CADM2: variants seen among roughly 807,000 people sequenced by gnomAD.
CADM2 encodes the protein immunoglobulin superfamily member 4D.
CADM2 carries 12 observed loss-of-function variants against 49.8 expected under a neutral mutation model. The observed-to-expected ratio is 0.24, with a 90% CI of 0.15 to 0.39. The LOEUF is 0.39. Among genes scored for constraint, CADM2 ranks in the 10% least tolerant of loss-of-function variants. CADM2 has a pLI of 1.00. For missense variants in CADM2, 378 were observed against 492.3 expected, an observed-to-expected ratio of 0.77 and a Z score of 2.20; for synonymous variants, 214 against 175.4, an observed-to-expected ratio of 1.22 and a Z score of -1.74.
At chr3:85,619,585 A>G (rs2063908730) in intron 1 of CADM2, among the ~76,000 whole-genome samples, 1 of 152,138 alleles carries the variant, frequency 6.6e-6, no homozygotes, top group Non-Finnish European at 1.5e-5. Context: ...TCTGATGGAA[A>G]TACATGGCTT....
intron 7 of CADM2, among the ~76,000 whole-genome samples, chr3:85,950,861 A>G (rs1305061336): frequency 1.3e-5 from 2 of 151,174 alleles, no homozygotes; most frequent in African/African-American, 4.8e-5. Flanking sequence ...AATTGATTTT[A>G]AAAACTTGTA....
chr3:85,641,894 G>A (rs1398826400), intron 1 of CADM2, among the ~76,000 whole-genome samples: 1 of 151,984 alleles, frequency 6.6e-6, no homozygotes, highest in Non-Finnish European at 1.5e-5. Context: ...TCGCACCACT[G>A]CACTCCAGCC....
chr3:85,191,957 G>A (rs1259768475), intron 1 of CADM2, among the ~76,000 whole-genome samples: 2 of 151,886 alleles, frequency 1.3e-5, no homozygotes, highest in Admixed American at 1.3e-4. Context: ...GTGTGTGTGT[G>A]TGTGTGTGTG....
intron 1 of CADM2, among the ~76,000 whole-genome samples, chr3:85,094,351 C>T (rs542263588): frequency 6.6e-6 from 1 of 152,128 alleles, no homozygotes; most frequent in African/African-American, 2.4e-5. Context: ...TGTCCTTTCA[C>T]GACGTTAAAT....
intron 3 of CADM2, among the ~76,000 whole-genome samples, chr3:85,816,775 A>G (rs956498028): frequency 1.3e-5 from 2 of 152,200 alleles, no homozygotes; most frequent in African/African-American, 4.8e-5. Flanking sequence ...CGCTAAGGCA[A>G]TACTAATTAC....
intron 1 of CADM2, among the ~76,000 whole-genome samples, chr3:85,116,371 T>G (rs1415070285): frequency 6.6e-6 from 1 of 152,112 alleles, no homozygotes; most frequent in Non-Finnish European, 1.5e-5. Context: ...AAAGCACATC[T>G]GCTTGCTCTT....
chr3:85,475,041 A>T (rs2038921546), intron 1 of CADM2, among the ~76,000 whole-genome samples: 1 of 151,868 alleles, frequency 6.6e-6, no homozygotes, highest in South Asian at 2.1e-4. Context: ...TAAGAAAATA[A>T]TTTTTCTTGG....
At chr3:85,286,788 T>G (rs965223928) in intron 1 of CADM2, among the ~76,000 whole-genome samples, 1 of 152,158 alleles carries the variant, frequency 6.6e-6, no homozygotes, top group Non-Finnish European at 1.5e-5. Context: ...TGGGTACATA[T>G]TAAATGTATT....
chr3:84,959,656 C>A lies in CADM2; in HGVS notation c.49C>A (p.Leu17Ile). The change falls in exon 1 of 10, where the codon CTC (leucine) becomes ATC (isoleucine). Residue 17 changes from leucine to isoleucine, a missense_variant. Transcript: ENST00000383699. ...AVLRFYSVCG[L>I]LLQAAASKNK... Reference sequence around the variant, plus strand: ...TCTCCGCTTCTACAGTGTCTGCGGGCTCCTGCTACAAGGTAATCCCCGCCC... The same window carrying A: ...TCTCCGCTTCTACAGTGTCTGCGGGATCCTGCTACAAGGTAATCCCCGCCC... The A allele has an allele frequency of 6.5e-7, 1 of 1,537,142 alleles. No homozygotes were observed. Among genetic ancestry groups the A allele is most frequent in the Non-Finnish European group, 8.7e-7 (1 of 1,146,866 alleles).
At chr3:85,757,950 G>A (rs1364952742) in intron 2 of CADM2, among the ~76,000 whole-genome samples, 1 of 152,172 alleles carries the variant, frequency 6.6e-6, no homozygotes, top group African/African-American at 2.4e-5. Context: ...GATTTCGCCA[G>A]GGTGTGCAGA....
intron 1 of CADM2, among the ~76,000 whole-genome samples, chr3:85,338,564 A>G (rs768477134): frequency 6.6e-6 from 1 of 151,544 alleles, no homozygotes; most frequent in Non-Finnish European, 1.5e-5. Flanking sequence ...ATTTTCTTGA[A>G]GTCAGTAAAA....
At chr3:85,156,171 T>C (rs1304995212) in intron 1 of CADM2, among the ~76,000 whole-genome samples, 2 of 151,892 alleles carry the variant, frequency 1.3e-5, no homozygotes, top group East Asian at 3.9e-4. Context: ...TTCAAAAAAT[T>C]AATGAATCCA....
chr3:85,565,396 C>T (rs916654720), intron 1 of CADM2, among the ~76,000 whole-genome samples: 3 of 151,952 alleles, frequency 2.0e-5, no homozygotes, highest in African/African-American at 4.8e-5. Context: ...ATGAAGAAAA[C>T]GGCAGTGTGA....
In CADM2 at chr3:85,859,224, C is replaced by CTTTTTTTTTTTTTTTTTTTT. The variant is rs397990427; in HGVS notation, c.239-24060_239-24041dup. 2.0e-4 allele frequency among the ~76,000 whole-genome samples: 14 copies of CTTTTTTTTTTTTTTTTTTTT among 70,594 alleles called. 2 individuals carry two copies. The highest frequency in any genetic ancestry group is 1.6e-3 in the East Asian group (3 of 1,874). The allele number at this position is 70,594 out of a possible 152,430, so 46.3% of individuals were successfully genotyped here. A position where few individuals can be genotyped will look rare whatever the true frequency, so the allele number is the denominator to read the frequency against. ...TACCTTGTGCTTTTCTTTTTTTTGTCTTTTTTTTTTTTTTTTTTTTTTTTT... is the reference window on the plus strand; with the variant it reads ...TACCTTGTGCTTTTCTTTTTTTTGTCTTTTTTTTTTTTTTTTTTTTTTTTTTTTTTTTTTTTTTTTTTTTT... On this transcript the variant is annotated intron_variant, in intron 3 of 9. Coordinates refer to ENST00000383699, the MANE Select transcript of CADM2 (RefSeq NM_001167675.2).
chr3:85,851,877 T>C (rs2075123337), intron 3 of CADM2, among the ~76,000 whole-genome samples: 1 of 151,870 alleles, frequency 6.6e-6, no homozygotes, highest in Admixed American at 6.6e-5. Context: ...TGCTATTTGG[T>C]GAGTTAATGA....
chr3:85,236,355 C>G (rs567879016), intron 1 of CADM2, among the ~76,000 whole-genome samples: 1 of 151,804 alleles, frequency 6.6e-6, no homozygotes, highest in African/African-American at 2.4e-5. Flanking sequence ...AGGATTAAGA[C>G]GTCAATTCTA....
intron 1 of CADM2, among the ~76,000 whole-genome samples, chr3:85,405,386 C>G (rs932102693): frequency 3.9e-5 from 6 of 152,080 alleles, no homozygotes; most frequent in Non-Finnish European, 8.8e-5. Context: ...TAGCTATTAT[C>G]CCCACACTGC....
At chr3:85,651,265 A>C (rs1051761854) in intron 1 of CADM2, among the ~76,000 whole-genome samples, 1 of 152,132 alleles carries the variant, frequency 6.6e-6, no homozygotes. Context: ...TTTCATTGCT[A>C]TTCTTGAGTT....
At chr3:85,267,030 A>G (rs1186145520) in intron 1 of CADM2, among the ~76,000 whole-genome samples, 2 of 151,926 alleles carry the variant, frequency 1.3e-5, no homozygotes, top group Admixed American at 6.6e-5. Context: ...TGAGAATAAC[A>G]TATTTAGAGA....
Sources: allele counts gnomAD v4.1 joint callset (sites outside exome capture counted in the v4.1 genomes callset), GRCh38; gene constraint gnomAD v4.1.1; transcripts MANE v1.5; gene names NCBI Gene and HGNC (gene_info 2026-07-23, HGNC 2026-07-21).